Variants in CAMKMT observed in about 807,000 individuals in gnomAD.
The protein encoded by CAMKMT is calmodulin-lysine N-methyltransferase.
In CAMKMT, 53 loss-of-function variants were observed where a neutral mutation model predicts 48.0. The ratio of observed to expected loss-of-function variants is 1.10; its 90% CI spans 0.89 to 1.39. The LOEUF is 1.39. Among genes scored for constraint, CAMKMT ranks in the 40% most tolerant of loss-of-function variants. CAMKMT has a pLI of 0.00. For synonymous variants in CAMKMT, 165 were observed against 152.3 expected (o/e 1.08, Z -0.61); for missense variants, 428 against 402.7 (o/e 1.06, Z -0.54).
chr2:44,571,810 T>TA (rs1364842651), intron 3 of CAMKMT, among the ~76,000 whole-genome samples: 2 of 152,132 alleles, frequency 1.3e-5, no homozygotes, highest in East Asian at 3.9e-4. Flanking sequence ...ACCCTGTCTC[T>TA]AAAAAATAAA....
intron 1 of CAMKMT, among the ~76,000 whole-genome samples, chr2:44,366,091 A>G (rs973771266): frequency 1.3e-5 from 2 of 152,246 alleles, no homozygotes; most frequent in Non-Finnish European, 2.9e-5. Context: ...TAAGCAACTT[A>G]CCTTTATCTT....
At chr2:44,432,516 G>A (rs1269968801) in intron 3 of CAMKMT, among the ~76,000 whole-genome samples, 1 of 152,202 alleles carries the variant, frequency 6.6e-6, no homozygotes, top group Admixed American at 6.5e-5. Flanking sequence ...TCTTGCAGCT[G>A]TCAAAGAGTG....
intron 7 of CAMKMT, among the ~76,000 whole-genome samples, chr2:44,724,617 A>C (rs1040157512): frequency 1.7e-4 from 26 of 152,170 alleles, no homozygotes. Flanking sequence ...ATCCATGGAT[A>C]GCCTCTGTTT....
intron 3 of CAMKMT, among the ~76,000 whole-genome samples, chr2:44,530,264 CT>C (rs1666412713): frequency 6.6e-6 from 1 of 152,146 alleles, no homozygotes; most frequent in South Asian, 2.1e-4. Flanking sequence ...AAGAAAAATT[CT>C]GAATGTATTA....
chr2:44,692,641 ATACC>A (rs774791956), intron 3 of CAMKMT, among the ~76,000 whole-genome samples: 3 of 152,172 alleles, frequency 2.0e-5, no homozygotes, highest in Non-Finnish European at 4.4e-5. Context: ...AAAAGTTTAA[ATACC>A]TTGCCCAAGA....
chr2:44,674,191 G>A (rs1269649117), intron 3 of CAMKMT, among the ~76,000 whole-genome samples: 1 of 152,162 alleles, frequency 6.6e-6, no homozygotes, highest in African/African-American at 2.4e-5. Flanking sequence ...GAGTCAACTA[G>A]AATATAGTCA....
chr2:44,556,765 G>A lies in CAMKMT; in HGVS notation c.377-147518G>A, dbSNP rs62135420. On this transcript the variant is annotated intron_variant, in intron 3 of 10. Transcript: ENST00000378494. ...ATTACAGGCGTGAGCCACCGCGCCCGGCCCTCTTTTTTTTTTTTAAAGGAT... is the reference window on the plus strand; with the variant it reads ...ATTACAGGCGTGAGCCACCGCGCCCAGCCCTCTTTTTTTTTTTTAAAGGAT... Among the ~76,000 whole-genome samples, 26 of 20,622 alleles carry A rather than the reference G, an allele frequency of 1.3e-3. 3 individuals are homozygous for A. The highest frequency in any genetic ancestry group is 4.7e-3 in the South Asian group (3 of 634). The allele number at this position is 20,622 out of a possible 152,430, so 13.5% of individuals were successfully genotyped here.
chr2:44,751,187 G>C (rs1267666653), intron 8 of CAMKMT, among the ~76,000 whole-genome samples: 2 of 152,200 alleles, frequency 1.3e-5, no homozygotes, highest in Non-Finnish European at 2.9e-5. Flanking sequence ...CAAGTAAACA[G>C]GGATGGCTTT....
At chr2:44,437,838 CA>C (rs370663723) in intron 3 of CAMKMT, among the ~76,000 whole-genome samples, 2,258 of 120,446 alleles carry the variant, frequency 0.019, 53 homozygotes, top group African/African-American at 0.063. Context: ...GACTCTGCTA[CA>C]AAAAAAAAAA....
intron 2 of CAMKMT, among the ~76,000 whole-genome samples, chr2:44,384,764 T>G (rs922749092): frequency 2.6e-5 from 4 of 152,116 alleles, no homozygotes; most frequent in Admixed American, 6.6e-5. Flanking sequence ...TTTGTTTTGT[T>G]TACTTTGTCA....
intron 7 of CAMKMT, among the ~76,000 whole-genome samples, chr2:44,715,859 A>G (rs963265657): frequency 6.6e-6 from 1 of 152,214 alleles, no homozygotes; most frequent in South Asian, 2.1e-4. Context: ...ACAAAGAAAC[A>G]TCTGGCCCAG....
intron 3 of CAMKMT, among the ~76,000 whole-genome samples, chr2:44,504,515 A>G (rs995441640): frequency 6.6e-6 from 1 of 152,168 alleles, no homozygotes; most frequent in Non-Finnish European, 1.5e-5. Context: ...ATGGATGCCT[A>G]TGATGTGCTT....
chr2:44,763,434 C>G (rs1218174925), intron 9 of CAMKMT, among the ~76,000 whole-genome samples: 1 of 152,208 alleles, frequency 6.6e-6, no homozygotes, highest in Non-Finnish European at 1.5e-5. Context: ...GATTACTCAA[C>G]TTCTGGATTT....
intron 3 of CAMKMT, among the ~76,000 whole-genome samples, chr2:44,662,769 G>A (rs1180696292): frequency 6.6e-6 from 1 of 151,960 alleles, no homozygotes; most frequent in Non-Finnish European, 1.5e-5. Flanking sequence ...TTGCCATATT[G>A]CCCAGGCTGG....
chr2:44,664,404 T>C (rs1263192498), intron 3 of CAMKMT, among the ~76,000 whole-genome samples: 3 of 152,188 alleles, frequency 2.0e-5, no homozygotes, highest in East Asian at 1.9e-4. Flanking sequence ...TATTGTCTCC[T>C]CTATGTGGAA....
intron 3 of CAMKMT, among the ~76,000 whole-genome samples, chr2:44,423,646 A>G (rs1161138633): frequency 6.6e-6 from 1 of 152,202 alleles, no homozygotes; most frequent in African/African-American, 2.4e-5. Context: ...TGGACTATGA[A>G]CTGCTGGAGA....
intron 3 of CAMKMT, among the ~76,000 whole-genome samples, chr2:44,691,797 T>A (rs1351464158): frequency 6.6e-6 from 1 of 152,140 alleles, no homozygotes; most frequent in Non-Finnish European, 1.5e-5. Flanking sequence ...GTGCCTTGAT[T>A]TCCTCCTCTG....
intron 3 of CAMKMT, among the ~76,000 whole-genome samples, chr2:44,700,011 A>T (rs1677173294): frequency 6.6e-6 from 1 of 152,232 alleles, no homozygotes; most frequent in Admixed American, 6.5e-5. Flanking sequence ...CATCTTCATC[A>T]GTGATCTTAG....
At chr2:44,450,899 G>A (rs1462234179) in intron 3 of CAMKMT, among the ~76,000 whole-genome samples, 1 of 151,988 alleles carries the variant, frequency 6.6e-6, no homozygotes, top group Non-Finnish European at 1.5e-5. Context: ...GATTATTTGA[G>A]CATTAAAAAT....
Sources: gnomAD v4.1 joint callset for allele counts (sites outside exome capture counted in the v4.1 genomes callset) on GRCh38, gnomAD v4.1.1 for gene constraint, MANE v1.5 for transcripts, NCBI Gene and HGNC (gene_info 2026-07-23, HGNC 2026-07-21) for gene names.